LGR6: variants seen among roughly 807,000 people sequenced by gnomAD.
LGR6 encodes leucine rich repeat containing G protein-coupled receptor 6.
LGR6 carries 45 observed loss-of-function variants against 69.4 expected under a neutral mutation model. The observed-to-expected ratio is 0.65, with a 90% confidence interval of 0.51 to 0.83. The LOEUF (loss-of-function observed/expected upper bound fraction) is 0.83. LGR6 is among the 40% of genes least tolerant of loss of function. LGR6 has a pLI of 0.00. For missense variants in LGR6, 1,108 were observed against 1,246.7 expected (o/e 0.89, Z 1.68); for synonymous variants, 538 against 555.0 (o/e 0.97, Z 0.43).
intron 1 of LGR6, among the ~76,000 whole-genome samples, chr1:202,209,138 A>G (rs1659368877): frequency 6.6e-6 from 1 of 152,106 alleles, no homozygotes; most frequent in Non-Finnish European, 1.5e-5. Context: ...AGTGTCCCCA[A>G]GTTTCCCTCC....
At chr1:202,286,190 T>A (rs1016025329) in intron 6 of LGR6, among the ~76,000 whole-genome samples, 1 of 152,168 alleles carries the variant, frequency 6.6e-6, no homozygotes, top group African/African-American at 2.4e-5. Context: ...GGACATATCT[T>A]TTGGGGGCTA....
intron 17 of LGR6, among the ~76,000 whole-genome samples, chr1:202,317,593 G>A (rs985933589): frequency 2.0e-5 from 3 of 152,120 alleles, no homozygotes; most frequent in East Asian, 3.9e-4. Context: ...CAATCCATCC[G>A]CCTCAGCCTC....
chr1:202,222,913 G>C (rs1660264588), intron 1 of LGR6, among the ~76,000 whole-genome samples: 2 of 152,118 alleles, frequency 1.3e-5, no homozygotes, highest in Admixed American at 6.5e-5. Context: ...GACCAGCCTG[G>C]CCAACATCAT....
intron 11 of LGR6, 45 bp from the exon 12 acceptor site, chr1:202,305,639 A>G: frequency 6.4e-7 from 1 of 1,563,628 alleles, no homozygotes; most frequent in South Asian, 1.1e-5. Context: ...CAGCCCTCAG[A>G]TAGCCACCAT....
intron 6 of LGR6, among the ~76,000 whole-genome samples, chr1:202,285,497 A>C (rs1412029490): frequency 6.6e-6 from 1 of 152,232 alleles, no homozygotes; most frequent in Admixed American, 6.5e-5. Flanking sequence ...CCACAGATAG[A>C]AAATGGGGAT....
chr1:202,220,282 A>G (rs1310307136), intron 1 of LGR6, among the ~76,000 whole-genome samples: 1 of 151,408 alleles, frequency 6.6e-6, no homozygotes, highest in Non-Finnish European at 1.5e-5. Flanking sequence ...CAGTGGCATG[A>G]TCTTGGCTCC....
At position 202,297,570 on chromosome 1, in the gene LGR6, A is replaced by C; in HGVS notation, c.779A>C (p.Gln260Pro). ...PVAIRTLGRL[Q>P]ELGFHNNNIK... Reference sequence around the variant, plus strand: ...GCCATCCGGACCCTGGGCAGACTGCAGGAACTGTAAGCGCCTCTTTTGGTT... The same window carrying C: ...GCCATCCGGACCCTGGGCAGACTGCCGGAACTGTAAGCGCCTCTTTTGGTT... Residue 260 changes from glutamine (Q) to proline (P), a missense_variant, in exon 7 of 18, where the codon CAG becomes CCG. By Grantham distance (76) the Gln-to-Pro change is moderately conservative. Coordinates refer to ENST00000367278, the MANE Select transcript of LGR6 (RefSeq NM_001017403.2). 1.2e-6 allele frequency: 2 copies of C among 1,613,668 alleles called. No homozygotes were observed. Among genetic ancestry groups the C allele is most frequent in the Non-Finnish European group, 1.7e-6 (2 of 1,179,736 alleles).
chr1:202,203,680 G>A, intron 1 of LGR6: 1 of 808,002 alleles, frequency 1.2e-6, no homozygotes, highest in Non-Finnish European at 2.0e-6. Context: ...TGTAGGAAGT[G>A]AGAAATACAC....
chr1:202,232,481 C>T (rs1029764026), intron 3 of LGR6, among the ~76,000 whole-genome samples: 11 of 152,068 alleles, frequency 7.2e-5, no homozygotes, highest in African/African-American at 2.7e-4. Flanking sequence ...AGACTTTGCC[C>T]CAGAGATTTA....
intron 11 of LGR6, among the ~76,000 whole-genome samples, chr1:202,305,366 G>A (rs544284212): frequency 6.6e-6 from 1 of 152,300 alleles, no homozygotes; most frequent in African/African-American, 2.4e-5. Context: ...GAGGTCCAAT[G>A]TGTTCTCTGC....
intron 13 of LGR6, 64 bp downstream of exon 13, chr1:202,307,003 C>T (rs372295655): frequency 2.0e-5 from 27 of 1,359,926 alleles, no homozygotes; most frequent in African/African-American, 8.6e-5. Flanking sequence ...TAGGCATGCT[C>T]ATTGTCATAG....
intron 4 of LGR6, among the ~76,000 whole-genome samples, chr1:202,250,681 G>A (rs1361349111): frequency 6.6e-6 from 1 of 152,162 alleles, no homozygotes; most frequent in Non-Finnish European, 1.5e-5. Context: ...TGGGATTACA[G>A]AAGTGAGCCA....
rs193021721 is a variant in LGR6, at chr1:202,314,124, C to G, written c.1568-678C>G. 3.3e-5 allele frequency among the ~76,000 whole-genome samples: 5 copies of G among 152,236 alleles called. No individual in the cohort carries two copies. The East Asian group carries it at 5.8e-4, about 18-fold the overall frequency. ...TAGGAAGTAGTAGAGTGTCTCCATT[C>G]GAATCATAATTTGCCTCGTTCTACA... On this transcript the variant is annotated intron_variant, in intron 16 of 17. Coordinates refer to ENST00000367278, the MANE Select transcript of LGR6 (RefSeq NM_001017403.2).
intron 9 of LGR6, among the ~76,000 whole-genome samples, chr1:202,301,934 G>A (rs560931885): frequency 2.6e-5 from 4 of 152,280 alleles, no homozygotes; most frequent in East Asian, 3.9e-4. Context: ...CAGAGGACTC[G>A]CTTGAACCCG....
chr1:202,264,271 A>G (rs1413438973), intron 4 of LGR6, among the ~76,000 whole-genome samples: 1 of 152,232 alleles, frequency 6.6e-6, no homozygotes, highest in East Asian at 1.9e-4. Flanking sequence ...GTACTTTTAG[A>G]AGTGTTAATA....
intron 1 of LGR6, among the ~76,000 whole-genome samples, chr1:202,203,250 C>A (rs778090841): frequency 7.9e-5 from 12 of 152,168 alleles, no homozygotes; most frequent in South Asian, 2.1e-4. Context: ...AGGCAGCCCC[C>A]ACTAAGAAGC....
chr1:202,236,644 C>G (rs932576785), intron 4 of LGR6, among the ~76,000 whole-genome samples: 3 of 152,202 alleles, frequency 2.0e-5, no homozygotes, highest in Admixed American at 6.5e-5. Context: ...ACATAATGCA[C>G]AGCCCAAGGC....
rs761261315 is a variant in LGR6 at position 202,319,019 on chromosome 1, C to G, written c.2716C>G (p.Gln906Glu). The G allele has an allele frequency of 6.2e-7, 1 of 1,613,916 alleles. No individual in the cohort carries two copies. ...CTCAGTGACCCTCATCTCCTGTCAG[C>G]AGCCAGGGGCCCCCAGGCTGGAGGG... ...FPSVTLISCQ[Q>E]PGAPRLEGSH... Residue 906 changes from glutamine to glutamate, a missense_variant, in exon 18 of 18, where the codon CAG (glutamine) becomes GAG (glutamate). Physicochemically the swap from Gln to Glu is conservative, Grantham distance 29. Transcript: ENST00000367278.
At chr1:202,275,732 C>G (rs1029207652) in intron 4 of LGR6, among the ~76,000 whole-genome samples, 2 of 152,146 alleles carry the variant, frequency 1.3e-5, no homozygotes, top group East Asian at 3.9e-4. Context: ...AGGCATTTTT[C>G]TTTGGTTCGG....
Sources: gnomAD v4.1 joint callset for allele counts (sites outside exome capture counted in the v4.1 genomes callset) on GRCh38, gnomAD v4.1.1 for gene constraint, MANE v1.5 for transcripts, NCBI Gene and HGNC (gene_info 2026-07-23, HGNC 2026-07-21) for gene names.